Variants in PLXDC2 observed in about 807,000 individuals in gnomAD.
The protein encoded by PLXDC2 is plexin domain containing 2.
A neutral mutation model predicts 68.9 loss-of-function variants in PLXDC2; 40 were observed. That is an observed-to-expected ratio of 0.58 (90% CI 0.45 to 0.76). PLXDC2 has a LOEUF of 0.76. PLXDC2 is among the 30% of genes least tolerant of loss of function. The pLI is 0.00. For synonymous variants in PLXDC2, 243 were observed against 234.2 expected, an observed-to-expected ratio of 1.04 and a Z score of -0.34; for missense variants, 644 against 661.9, an observed-to-expected ratio of 0.97 and a Z score of 0.30.
chr10:20,009,851 T>C (rs906081566), intron 2 of PLXDC2, among the ~76,000 whole-genome samples: 1 of 151,546 alleles, frequency 6.6e-6, no homozygotes, highest in Non-Finnish European at 1.5e-5. Flanking sequence ...CTATACAATA[T>C]TAAATACAGA....
intron 2 of PLXDC2, among the ~76,000 whole-genome samples, chr10:20,029,507 G>A (rs1363452000): frequency 6.6e-6 from 1 of 152,012 alleles, no homozygotes; most frequent in Non-Finnish European, 1.5e-5. Context: ...TTTCCAGCTA[G>A]TTCTTAGGAA....
intron 13 of PLXDC2, among the ~76,000 whole-genome samples, chr10:20,246,640 G>A (rs748781486): frequency 2.2e-4 from 33 of 152,172 alleles, no homozygotes; most frequent in Non-Finnish European, 3.2e-4. Context: ...GTGAGCCATC[G>A]TGCCTGGCCA....
At chr10:19,840,960 GC>G (rs1171526354) in intron 1 of PLXDC2, among the ~76,000 whole-genome samples, 1 of 152,086 alleles carries the variant, frequency 6.6e-6, no homozygotes, top group African/African-American at 2.4e-5. Flanking sequence ...CATGATTACT[GC>G]CACCAATTTA....
In PLXDC2 at chr10:19,939,344, C is replaced by T. The variant is rs542368906; in HGVS notation, c.113-62431C>T. 4.6e-5 allele frequency among the ~76,000 whole-genome samples: 7 copies of T among 152,260 alleles called. No homozygotes were observed. In the East Asian group the frequency reaches 1.4e-3, roughly 29 times the overall value. On this transcript the variant is annotated intron_variant, in intron 1 of 13. Coordinates refer to ENST00000377252, the MANE Select transcript of PLXDC2 (RefSeq NM_032812.9). Reference sequence around the variant, plus strand: ...GTTGGGGGAACAGATTACACCCCCTCTGGAAATGGAGAAAAATCTAAAGAA... The same window carrying T: ...GTTGGGGGAACAGATTACACCCCCTTTGGAAATGGAGAAAAATCTAAAGAA...
intron 13 of PLXDC2, among the ~76,000 whole-genome samples, chr10:20,260,598 G>A (rs1028061730): frequency 1.3e-5 from 2 of 152,234 alleles, no homozygotes; most frequent in Middle Eastern, 3.4e-3. Context: ...TTCACCTGTC[G>A]ATGGACACTT....
At chr10:20,117,852 T>G (rs1036273414) in intron 4 of PLXDC2, among the ~76,000 whole-genome samples, 1 of 152,116 alleles carries the variant, frequency 6.6e-6, no homozygotes, top group Non-Finnish European at 1.5e-5. Flanking sequence ...ACCAAGATAT[T>G]GAAAGGTATG....
chr10:19,969,606 T>C (rs145985834), intron 1 of PLXDC2, among the ~76,000 whole-genome samples: 6 of 152,308 alleles, frequency 3.9e-5, no homozygotes, highest in African/African-American at 7.2e-5. Context: ...GCTACTCCAT[T>C]TGGGGAAAAA....
rs1009462376 is a variant in PLXDC2, at chr10:19,842,295, C to G, written c.112+25104C>G. 4.6e-5 allele frequency among the ~76,000 whole-genome samples: 7 copies of G among 152,254 alleles called. No individual in the cohort carries two copies. The South Asian group carries it at 8.3e-4, about 18-fold the overall frequency. On this transcript the variant is annotated intron_variant, in intron 1 of 13. Coordinates refer to ENST00000377252, the MANE Select transcript of PLXDC2 (RefSeq NM_032812.9). ...GGAGTCATTTTGATAACCTGGTACT[C>G]TAGTGTTATCTATGTCTCTTCACTG...
In PLXDC2 at chr10:19,958,173, C is replaced by T. The variant is rs368308757; in HGVS notation, c.113-43602C>T. Among the ~76,000 whole-genome samples the T allele has an allele frequency of 5.2e-4, 79 of 152,006 alleles. 2 individuals carry two copies. The South Asian group carries it at 5.8e-3, about 11-fold the overall frequency. On this transcript the variant is annotated intron_variant, in intron 1 of 13. Transcript: ENST00000377252. ...GGTGTTTCACGTAGAGAAGAGCAGA[C>T]GAGGATAACAACCTACTTCTTTATC...
chr10:20,207,734 C>T (rs1407279678), intron 9 of PLXDC2, among the ~76,000 whole-genome samples: 1 of 152,158 alleles, frequency 6.6e-6, no homozygotes. Context: ...CAGAGATGGC[C>T]TTGACCAACT....
chr10:19,929,491 T>C (rs921500591), intron 1 of PLXDC2, among the ~76,000 whole-genome samples: 3 of 152,206 alleles, frequency 2.0e-5, no homozygotes, highest in Admixed American at 6.5e-5. Flanking sequence ...CCACACCTTT[T>C]AACAACTGAC....
chr10:20,082,265 ATAAT>A (rs1485019545), intron 4 of PLXDC2, among the ~76,000 whole-genome samples: 1 of 151,794 alleles, frequency 6.6e-6, no homozygotes, highest in African/African-American at 2.4e-5. Flanking sequence ...AATTCAGCTA[ATAAT>A]TATATATCAA....
intron 12 of PLXDC2, among the ~76,000 whole-genome samples, chr10:20,239,553 T>C (rs1442398304): frequency 6.6e-6 from 1 of 152,094 alleles, no homozygotes; most frequent in Non-Finnish European, 1.5e-5. Context: ...TCATGGGGAC[T>C]CACTATCACA....
chr10:20,254,704 A>G (rs989825153), intron 13 of PLXDC2, among the ~76,000 whole-genome samples: 2 of 152,240 alleles, frequency 1.3e-5, no homozygotes, highest in African/African-American at 4.8e-5. Flanking sequence ...AAGAAGCTAT[A>G]TTAGTAGATG....
At chr10:19,974,685 A>G (rs1187411324) in intron 1 of PLXDC2, among the ~76,000 whole-genome samples, 1 of 152,198 alleles carries the variant, frequency 6.6e-6, no homozygotes, top group Non-Finnish European at 1.5e-5. Flanking sequence ...TTAGCCACTT[A>G]TAAACGCTGT....
chr10:20,159,496 C>A (rs1234373293), intron 6 of PLXDC2, among the ~76,000 whole-genome samples: 2 of 152,094 alleles, frequency 1.3e-5, no homozygotes, highest in East Asian at 1.9e-4. Context: ...AACTGTGATA[C>A]CCTCCTAACT....
chr10:20,075,479 T>C (rs557735023), intron 4 of PLXDC2, among the ~76,000 whole-genome samples: 1 of 152,284 alleles, frequency 6.6e-6, no homozygotes, highest in South Asian at 2.1e-4. Context: ...TGTGAGACAC[T>C]GCGCCAAGCT....
chr10:19,844,314 C>T (rs760841831), intron 1 of PLXDC2, among the ~76,000 whole-genome samples: 26 of 152,096 alleles, frequency 1.7e-4, no homozygotes, highest in Admixed American at 5.2e-4. Context: ...CCTATCCCAG[C>T]GGGTACAGAG....
chr10:19,855,303 A>T (rs1047319050), intron 1 of PLXDC2, among the ~76,000 whole-genome samples: 2 of 152,174 alleles, frequency 1.3e-5, no homozygotes, highest in Non-Finnish European at 2.9e-5. Flanking sequence ...ATTTCAAATT[A>T]TCGTCAATGG....
Sources: allele counts gnomAD v4.1 joint callset (sites outside exome capture counted in the v4.1 genomes callset), GRCh38; gene constraint gnomAD v4.1.1; transcripts MANE v1.5; gene names NCBI Gene and HGNC (gene_info 2026-07-23, HGNC 2026-07-21).